The following TMEM273 variants were observed in gnomAD, a reference collection of about 807,000 sequenced individuals.
TMEM273 encodes transmembrane protein 273.
In TMEM273, 19 loss-of-function variants were observed where a neutral mutation model predicts 17.9. That is an observed-to-expected ratio of 1.06 (90% CI 0.74 to 1.55). TMEM273 has a LOEUF of 1.55. Among genes scored for constraint, TMEM273 ranks in the 40% most tolerant of loss-of-function variants. The pLI, the probability that TMEM273 is intolerant of heterozygous loss-of-function variation, is 0.00. For missense variants in TMEM273, 194 were observed against 155.6 expected, an observed-to-expected ratio of 1.25 and a Z score of -1.31; for synonymous variants, 66 against 62.0, an observed-to-expected ratio of 1.07 and a Z score of -0.31.
chr10:49,155,479 C>T lies in TMEM273; in HGVS notation c.*413G>A, dbSNP rs550427701. 68 of 230,864 alleles carry T rather than the reference C, an allele frequency of 2.9e-4. No individual in the cohort carries two copies. Among genetic ancestry groups the T allele is most frequent in the African/African-American group, 1.6e-3 (67 of 42,922 alleles). 14.3% of individuals were successfully genotyped at this position (230,864 alleles called of 1,614,324 possible). ...AAGCTAATCGTTCTACAAAGTAGTG[C>T]CTAACTGTTGATAAGATGGCAGTGT... On this transcript the variant is annotated 3_prime_UTR_variant, in exon 7 of 7. Coordinates refer to ENST00000374153, the MANE Select transcript of TMEM273 (RefSeq NM_001288740.3).
At chr10:49,163,185 G>A (rs1022224963) in intron 5 of TMEM273, among the ~76,000 whole-genome samples, 62 of 152,264 alleles carry the variant, frequency 4.1e-4, no homozygotes, top group African/African-American at 1.4e-3. Flanking sequence ...CTACTCTCCC[G>A]CATCAGTGGA....
At chr10:49,184,988 G>A (rs572867022) in intron 1 of TMEM273, among the ~76,000 whole-genome samples, 31 of 152,238 alleles carry the variant, frequency 2.0e-4, no homozygotes, top group Admixed American at 6.5e-4. Context: ...ATGCTATGGC[G>A]GATTCCTGCA....
intron 1 of TMEM273, among the ~76,000 whole-genome samples, chr10:49,183,343 A>G (rs1380686443): frequency 1.4e-5 from 2 of 145,084 alleles, no homozygotes; most frequent in Non-Finnish European, 1.5e-5. Flanking sequence ...CAATTGTTTC[A>G]GGAAACAAAT....
intron 1 of TMEM273, among the ~76,000 whole-genome samples, chr10:49,186,308 A>G (rs1847725771): frequency 6.6e-6 from 1 of 152,218 alleles, no homozygotes; most frequent in South Asian, 2.1e-4. Flanking sequence ...TCCTACTGAT[A>G]GTCTCTTGTT....
At chr10:49,167,246 G>A (rs1363976447) in intron 2 of TMEM273, among the ~76,000 whole-genome samples, 1 of 152,186 alleles carries the variant, frequency 6.6e-6, no homozygotes, top group Non-Finnish European at 1.5e-5. Context: ...AAGCTCACCT[G>A]GCTACCCCTG....
chr10:49,183,897 T>C (rs1250994276), intron 1 of TMEM273, among the ~76,000 whole-genome samples: 1 of 151,306 alleles, frequency 6.6e-6, no homozygotes, highest in Non-Finnish European at 1.5e-5. Flanking sequence ...GCAACAACAG[T>C]GACAAGCAGT....
chr10:49,176,306 G>A (rs1269421559), intron 1 of TMEM273, among the ~76,000 whole-genome samples: 2 of 152,218 alleles, frequency 1.3e-5, no homozygotes. Flanking sequence ...GGTCAGAAAA[G>A]AGGTGGCGCT....
intron 5 of TMEM273, among the ~76,000 whole-genome samples, chr10:49,163,289 A>ATG (rs34654322): frequency 3.6e-3 from 535 of 150,538 alleles, no homozygotes; most frequent in Middle Eastern, 0.017. Flanking sequence ...GAATATGTGC[A>ATG]TGTGTGTGTG....
rs531577983 is a variant in TMEM273 at position 49,163,182 on chromosome 10, C to T, written c.349-1560G>A. Among the ~76,000 whole-genome samples, 3 of 152,258 alleles carry T rather than the reference C, an allele frequency of 2.0e-5. No individual in the cohort carries two copies. In the East Asian group the frequency reaches 5.8e-4, roughly 29 times the overall value. On this transcript the variant is annotated intron_variant, in intron 5 of 6. Coordinates refer to ENST00000374153, the MANE Select transcript of TMEM273 (RefSeq NM_001288740.3). Reference sequence around the variant, plus strand: ...GCTGGCCAGCATGGAACTCTACTCTCCCGCATCAGTGGATTTGGGGGCACT... The same window carrying T: ...GCTGGCCAGCATGGAACTCTACTCTTCCGCATCAGTGGATTTGGGGGCACT...
chr10:49,168,092 C>T, intron 1 of TMEM273, 130 bp from the exon 2 acceptor site: 1 of 1,098,598 alleles, frequency 9.1e-7, no homozygotes, highest in Non-Finnish European at 1.3e-6. Context: ...TCCCAATTGC[C>T]ATGGAGTGTC....
intron 1 of TMEM273, among the ~76,000 whole-genome samples, chr10:49,183,632 C>T (rs1564648679): frequency 6.6e-6 from 1 of 152,110 alleles, no homozygotes; most frequent in Non-Finnish European, 1.5e-5. Flanking sequence ...CATCAAAATG[C>T]CTCAGTTTGA....
At chr10:49,180,155 C>T (rs1847253116) in intron 1 of TMEM273, among the ~76,000 whole-genome samples, 1 of 152,180 alleles carries the variant, frequency 6.6e-6, no homozygotes, top group South Asian at 2.1e-4. Context: ...ACCCTTCCTG[C>T]TAGGAAAGAG....
intron 1 of TMEM273, among the ~76,000 whole-genome samples, chr10:49,169,937 G>C (rs1180295400): frequency 6.6e-6 from 1 of 152,232 alleles, no homozygotes; most frequent in Non-Finnish European, 1.5e-5. Context: ...CAGGAGGACA[G>C]GGGAGGGCAG....
At chr10:49,178,964 G>T (rs149883330) in intron 1 of TMEM273, among the ~76,000 whole-genome samples, 1 of 152,272 alleles carries the variant, frequency 6.6e-6, no homozygotes, top group South Asian at 2.1e-4. Context: ...TTCACCTCTT[G>T]CCCTGAATAG....
chr10:49,166,334 C>G (rs1047987151), intron 3 of TMEM273: 50 of 220,062 alleles, frequency 2.3e-4, no homozygotes, highest in African/African-American at 1.1e-3. Context: ...TGAGGGCCTA[C>G]TCAGTACTGC....
intron 1 of TMEM273, among the ~76,000 whole-genome samples, chr10:49,182,127 C>A (rs1278848478): frequency 6.6e-6 from 1 of 152,196 alleles, no homozygotes; most frequent in Non-Finnish European, 1.5e-5. Context: ...GCAAGAGACC[C>A]TGGTGTATTC....
At chr10:49,185,992 A>C (rs1437940483) in intron 1 of TMEM273, among the ~76,000 whole-genome samples, 1 of 150,838 alleles carries the variant, frequency 6.6e-6, no homozygotes, top group Non-Finnish European at 1.5e-5. Flanking sequence ...AAGAAGAAGG[A>C]GGAGGAGGAA....
At chr10:49,175,714 C>G (rs747123579) in intron 1 of TMEM273, among the ~76,000 whole-genome samples, 1 of 152,162 alleles carries the variant, frequency 6.6e-6, no homozygotes, top group Non-Finnish European at 1.5e-5. Context: ...GGGGCAGGGC[C>G]CCCCCCACCT....
chr10:49,163,755 G>A (rs941934762), intron 5 of TMEM273, among the ~76,000 whole-genome samples: 1 of 152,168 alleles, frequency 6.6e-6, no homozygotes, highest in African/African-American at 2.4e-5. Context: ...CTGGGAGACA[G>A]AGTTGATGAA....
Sources: gnomAD v4.1 joint callset for allele counts (sites outside exome capture counted in the v4.1 genomes callset) on GRCh38, gnomAD v4.1.1 for gene constraint, MANE v1.5 for transcripts, NCBI Gene and HGNC (gene_info 2026-07-23, HGNC 2026-07-21) for gene names.